The following KANSL1L variants were observed in gnomAD, a reference collection of about 807,000 sequenced individuals.
KANSL1L encodes KAT8 regulatory NSL complex subunit 1 like.
A neutral mutation model predicts 108.6 loss-of-function variants in KANSL1L; 25 were observed. The observed-to-expected ratio is 0.23, with a 90% CI of 0.17 to 0.32. The LOEUF (loss-of-function observed/expected upper bound fraction) is 0.32, where lower values mean the gene tolerates loss of function less well. Ranked by LOEUF, KANSL1L falls within the 10% of genes least tolerant of loss-of-function variation. The pLI, the probability that KANSL1L is intolerant of heterozygous loss-of-function variation, is 1.00. For missense variants in KANSL1L, 1,137 were observed against 1,125.7 expected (o/e 1.01, Z -0.14); for synonymous variants, 405 against 395.1 (o/e 1.03, Z -0.30).
chr2:210,136,722 T>C (rs55763540), intron 2 of KANSL1L, among the ~76,000 whole-genome samples: 171 of 152,266 alleles, frequency 1.1e-3, no homozygotes, highest in Non-Finnish European at 1.9e-3. Context: ...GGAAAATCTT[T>C]TCCTAATGCA....
chr2:210,157,691 G>GAAAAAAAAAAAA (rs56676129), intron 1 of KANSL1L, among the ~76,000 whole-genome samples: 1 of 47,212 alleles, frequency 2.1e-5, no homozygotes, highest in Non-Finnish European at 4.7e-5. Context: ...CACTGTCACA[G>GAAAAAAAAAAAA]AAAAAAAAAA....
Position 210,084,314 on chromosome 2 carries a change from C to A in KANSL1L, c.1551-8558G>T, listed in dbSNP as rs1182733165. Among the ~76,000 whole-genome samples the A allele has an allele frequency of 3.9e-5, 6 of 152,010 alleles. No individual in the cohort carries two copies. The East Asian group carries it at 1.2e-3, about 30-fold the overall frequency. On this transcript the variant is annotated intron_variant, in intron 5 of 14. Transcript: ENST00000281772. ...GCGGGCACCTGTAATCCTAGCTGTT[C>A]AGGAGGCTGAAGCAGGAAAATCGCT...
At chr2:210,128,744 T>C (rs1466417829) in intron 3 of KANSL1L, among the ~76,000 whole-genome samples, 1 of 152,166 alleles carries the variant, frequency 6.6e-6, no homozygotes, top group African/African-American at 2.4e-5. Context: ...GATGTTAAGG[T>C]TTTTATGTAT....
At chr2:210,109,140 C>G (rs992954064) in intron 3 of KANSL1L, among the ~76,000 whole-genome samples, 1 of 152,084 alleles carries the variant, frequency 6.6e-6, no homozygotes, top group Non-Finnish European at 1.5e-5. Context: ...TAAGTATTCT[C>G]TCTATGGCCC....
intron 2 of KANSL1L, among the ~76,000 whole-genome samples, chr2:210,142,006 T>C (rs1268406304): frequency 6.6e-6 from 1 of 151,990 alleles, no homozygotes; most frequent in Non-Finnish European, 1.5e-5. Context: ...TTTTTTTTTT[T>C]TTTCTTATAG....
intron 6 of KANSL1L, among the ~76,000 whole-genome samples, chr2:210,069,529 G>T (rs527999495): frequency 6.6e-6 from 1 of 152,040 alleles, no homozygotes; most frequent in African/African-American, 2.4e-5. Context: ...AAGTTTCCTA[G>T]GACTGCCATA....
intron 5 of KANSL1L, among the ~76,000 whole-genome samples, chr2:210,094,507 C>T (rs2125395986): frequency 6.6e-6 from 1 of 152,018 alleles, no homozygotes; most frequent in East Asian, 1.9e-4. Context: ...TAAAATTAGG[C>T]CTCATTTGAT....
rs184188011 is a variant in KANSL1L, at chr2:210,021,809, T to C, written c.*1140A>G. The C allele has an allele frequency of 5.9e-5, 9 of 151,934 alleles. No homozygotes were observed. Among genetic ancestry groups the C allele is most frequent in the Admixed American group, 3.3e-4 (5 of 15,208 alleles). 9.4% of individuals were successfully genotyped at this position (151,934 alleles called of 1,614,324 possible). On this transcript the variant is annotated 3_prime_UTR_variant, in exon 15 of 15. Coordinates refer to ENST00000281772, the MANE Select transcript of KANSL1L (RefSeq NM_152519.4). ...GGTTTAATAGCTTCAAAAGGAATTTTCTTTCATGTATACTCTTCAGTATCC... is the reference window on the plus strand; with the variant it reads ...GGTTTAATAGCTTCAAAAGGAATTTCCTTTCATGTATACTCTTCAGTATCC...
chr2:210,113,899 A>G (rs1188123744), intron 3 of KANSL1L, among the ~76,000 whole-genome samples: 3 of 152,180 alleles, frequency 2.0e-5, no homozygotes, highest in Non-Finnish European at 4.4e-5. Flanking sequence ...CATAAAAAGA[A>G]AACAGATTAA....
chr2:210,153,662 A>G lies in KANSL1L; in HGVS notation c.921T>C (p.Asp307=). The G allele has an allele frequency of 6.2e-7, 1 of 1,609,668 alleles. No individual in the cohort carries two copies. Among genetic ancestry groups the G allele is most frequent in the Middle Eastern group, 1.7e-4 (1 of 6,026 alleles). ...NTLTAENKLW[D]DAKNGFARCT... ...ACCGTGCAAAGCCATTTTTTGCATC[A>G]TCCCACAATTTATTCTCTGCAGTCA... The change falls in exon 2 of 15, where the codon GAT becomes GAC. Residue 307 remains aspartate (D), a synonymous_variant. Coordinates refer to ENST00000281772, the MANE Select transcript of KANSL1L (RefSeq NM_152519.4).
intron 6 of KANSL1L, among the ~76,000 whole-genome samples, chr2:210,069,186 G>A (rs565848571): frequency 6.6e-6 from 1 of 152,230 alleles, no homozygotes; most frequent in Non-Finnish European, 1.5e-5. Context: ...ATATAATTCA[G>A]CCAAGTTTTC....
At chr2:210,155,429 G>A (rs892138696) in intron 1 of KANSL1L, 4 of 151,968 alleles carry the variant, frequency 2.6e-5, no homozygotes, top group African/African-American at 7.2e-5. Context: ...AGAAAAAGAT[G>A]ACCTAAGTGA....
At chr2:210,070,988 T>C (rs988715776) in intron 6 of KANSL1L, among the ~76,000 whole-genome samples, 1 of 151,880 alleles carries the variant, frequency 6.6e-6, no homozygotes, top group Non-Finnish European at 1.5e-5. Context: ...TGAAACCTCA[T>C]CTCTACTAAA....
intron 6 of KANSL1L, among the ~76,000 whole-genome samples, chr2:210,057,447 A>C (rs1371944869): frequency 6.6e-6 from 1 of 152,158 alleles, no homozygotes; most frequent in Non-Finnish European, 1.5e-5. Flanking sequence ...CACGCCTGTA[A>C]TCCCAGTACT....
chr2:210,082,981 T>C (rs1407415135), intron 5 of KANSL1L, among the ~76,000 whole-genome samples: 2 of 152,130 alleles, frequency 1.3e-5, no homozygotes, highest in Non-Finnish European at 2.9e-5. Flanking sequence ...TATTTGGAAA[T>C]ACTTGGCAAA....
intron 6 of KANSL1L, among the ~76,000 whole-genome samples, chr2:210,047,305 C>A (rs1245652806): frequency 1.3e-5 from 2 of 152,100 alleles, no homozygotes; most frequent in African/African-American, 4.8e-5. Context: ...CTCTTGTAGT[C>A]ATTTCTTCTG....
At chr2:210,074,225 A>G (rs1246755486) in intron 6 of KANSL1L, among the ~76,000 whole-genome samples, 1 of 152,166 alleles carries the variant, frequency 6.6e-6, no homozygotes, top group Non-Finnish European at 1.5e-5. Flanking sequence ...CTTTGTTCCA[A>G]TTATTCACTT....
chr2:210,102,455 A>C (rs2094803521), intron 4 of KANSL1L, among the ~76,000 whole-genome samples: 1 of 152,196 alleles, frequency 6.6e-6, no homozygotes, highest in African/African-American at 2.4e-5. Flanking sequence ...CAAAAGCCAA[A>C]ATTGACAAAT....
At chr2:210,062,888 A>G (rs1017424417) in intron 6 of KANSL1L, among the ~76,000 whole-genome samples, 29 of 152,300 alleles carry the variant, frequency 1.9e-4, no homozygotes, top group African/African-American at 5.8e-4. Flanking sequence ...CTGAGGAGAA[A>G]TTCAAGCTGG....
Sources: allele counts gnomAD v4.1 joint callset (sites outside exome capture counted in the v4.1 genomes callset), GRCh38; gene constraint gnomAD v4.1.1; transcripts MANE v1.5; gene names NCBI Gene and HGNC (gene_info 2026-07-23, HGNC 2026-07-21).